OR1B1: variants seen among roughly 807,000 people sequenced by gnomAD.
OR1B1 encodes olfactory receptor 1B1.
For missense variants in OR1B1, 414 were observed against 402.1 expected (o/e 1.03, Z -0.25); for synonymous variants, 168 against 156.2 (o/e 1.08, Z -0.57).
the OR1B1 span, among the ~76,000 whole-genome samples, chr9:122,650,097 C>A: frequency 6.6e-6 from 1 of 152,094 alleles, no homozygotes; most frequent in Non-Finnish European, 1.5e-5. Context: ...ATGTCCTTTG[C>A]AGGGACATGG....
At chr9:122,656,360 C>T in the OR1B1 span, among the ~76,000 whole-genome samples, 2 of 152,122 alleles carry the variant, frequency 1.3e-5, no homozygotes, top group African/African-American at 2.4e-5. Context: ...ATCCCCACTA[C>T]GACGTATTGG....
the OR1B1 span, among the ~76,000 whole-genome samples, chr9:122,654,361 T>C: frequency 6.6e-6 from 1 of 152,228 alleles, no homozygotes; most frequent in Non-Finnish European, 1.5e-5. Flanking sequence ...AGCATCTATC[T>C]GATTCCAGTG....
At chr9:122,640,967 GA>G in the OR1B1 span, among the ~76,000 whole-genome samples, 2 of 152,062 alleles carry the variant, frequency 1.3e-5, no homozygotes, top group Non-Finnish European at 2.9e-5. Flanking sequence ...AGAGAAAGAA[GA>G]ATAAATATTA....
At chr9:122,639,562 TGTGA>T in the OR1B1 span, 2 of 152,080 alleles carry the variant, frequency 1.3e-5, no homozygotes, top group African/African-American at 2.4e-5. Context: ...AACTTTCATA[TGTGA>T]GTAAGTTTTT....
At chr9:122,640,638 CTG>C in the OR1B1 span, among the ~76,000 whole-genome samples, 1 of 152,162 alleles carries the variant, frequency 6.6e-6, no homozygotes, top group Non-Finnish European at 1.5e-5. Context: ...TTGCCAAAGA[CTG>C]TTTTCTCACA....
chr9:122,633,441 T>TA (rs1432480304), upstream of OR1B1, among the ~76,000 whole-genome samples: 1 of 151,848 alleles, frequency 6.6e-6, no homozygotes, highest in East Asian at 1.9e-4. Context: ...AAAGCAAACA[T>TA]AAACAAGTGA....
chr9:122,628,662 T>TG lies in OR1B1; in HGVS notation c.873dup (p.Asn292GlnfsTer6). The stretch of plus-strand genomic sequence containing the variant: ...TTGTGGAGGCTATACACAAATGGGT[T>TG]GGCCAAAGGTGTAATGGCAGTATAC... On this transcript the variant is annotated frameshift_variant, in exon 1 of 1. Coordinates refer to ENST00000623530, the Ensembl canonical transcript of OR1B1. LOFTEE classifies it low-confidence loss of function (END_TRUNC). The TG allele has an allele frequency of 3.7e-6, 6 of 1,614,088 alleles. No homozygotes were observed. Among genetic ancestry groups the TG allele is most frequent in the Non-Finnish European group, 5.1e-6 (6 of 1,179,958 alleles).
chr9:122,637,462 C>G, the OR1B1 span, among the ~76,000 whole-genome samples: 2 of 152,160 alleles, frequency 1.3e-5, no homozygotes, highest in East Asian at 3.8e-4. Flanking sequence ...CTTACTCTAG[C>G]AAGAAATTCT....
chr9:122,630,995 C>T (rs907801508), upstream of OR1B1, among the ~76,000 whole-genome samples: 7 of 151,988 alleles, frequency 4.6e-5, no homozygotes, highest in Non-Finnish European at 7.4e-5. Context: ...CATGAGCCAC[C>T]GTGCCTGGTC....
chr9:122,643,421 G>C, the OR1B1 span, among the ~76,000 whole-genome samples: 1 of 152,212 alleles, frequency 6.6e-6, no homozygotes, highest in Non-Finnish European at 1.5e-5. Context: ...ATTTGGACCA[G>C]CACTCGCTGG....
upstream of OR1B1, among the ~76,000 whole-genome samples, chr9:122,631,728 G>C (rs1326320529): frequency 6.6e-6 from 1 of 152,064 alleles, no homozygotes; most frequent in Non-Finnish European, 1.5e-5. Flanking sequence ...AGGAGGTAGA[G>C]ACCACCACAT....
At chr9:122,642,889 C>G in the OR1B1 span, among the ~76,000 whole-genome samples, 1 of 152,134 alleles carries the variant, frequency 6.6e-6, no homozygotes, top group East Asian at 1.9e-4. Flanking sequence ...CTCTAGTCTA[C>G]TTACATGTAA....
chr9:122,641,523 T>C, the OR1B1 span, among the ~76,000 whole-genome samples: 1 of 151,124 alleles, frequency 6.6e-6, no homozygotes. Flanking sequence ...AAATGCAGGG[T>C]GGAAAGAGAA....
chr9:122,643,124 G>A, the OR1B1 span, among the ~76,000 whole-genome samples: 2 of 151,702 alleles, frequency 1.3e-5, no homozygotes, highest in South Asian at 4.2e-4. Context: ...CATCTGCACA[G>A]AGAAAAGCAC....
upstream of OR1B1, among the ~76,000 whole-genome samples, chr9:122,634,335 CAAAAA>C (rs754164135): frequency 8.1e-5 from 7 of 86,820 alleles, no homozygotes; most frequent in Non-Finnish European, 1.6e-4. Context: ...AACTCCATCT[CAAAAA>C]AAAAAAAAAG....
chr9:122,646,937 T>G, the OR1B1 span, among the ~76,000 whole-genome samples: 1 of 152,136 alleles, frequency 6.6e-6, no homozygotes, highest in Non-Finnish European at 1.5e-5. Flanking sequence ...AAAGTTAAAG[T>G]GTAGAGTTTT....
exon 1 of OR1B1, chr9:122,629,546 C>A (rs1235151911): frequency 1.9e-6 from 3 of 1,544,280 alleles, no homozygotes; most frequent in East Asian, 4.5e-5. Flanking sequence ...GAGTGACAGT[C>A]AGCCTGCCTG....
chr9:122,632,471 C>CCACT (rs199721076), upstream of OR1B1, among the ~76,000 whole-genome samples: 668 of 152,196 alleles, frequency 4.4e-3, 3 homozygotes, highest in African/African-American at 0.015. Flanking sequence ...TATTTGGTTA[C>CCACT]AAGAGTAAGT....
At chr9:122,628,926 C>A (rs1231977861) in exon 1 of OR1B1, 7 of 1,613,972 alleles carry the variant, frequency 4.3e-6, no homozygotes, top group African/African-American at 1.3e-5. Flanking sequence ...AAGAATATGG[C>A]CAGCTCATTA....
Sources: gnomAD v4.1 joint callset for allele counts (sites outside exome capture counted in the v4.1 genomes callset) on GRCh38, gnomAD v4.1.1 for gene constraint, MANE v1.5 for transcripts, NCBI Gene and HGNC (gene_info 2026-07-23, HGNC 2026-07-21) for gene names.